MED26: variants seen among roughly 807,000 people sequenced by gnomAD.
MED26 encodes mediator complex subunit 26, also known as mediator of RNA polymerase II transcription subunit 26.
Under a neutral mutation model 43.7 loss-of-function variants are expected in MED26, and 7 were observed. That is an observed-to-expected ratio of 0.16 (90% CI 0.09 to 0.30). The LOEUF (loss-of-function observed/expected upper bound fraction) is 0.30. Ranked by LOEUF, MED26 falls within the 10% of genes least tolerant of loss-of-function variation. MED26 has a pLI of 1.00. For synonymous variants in MED26, 375 were observed against 371.1 expected, an observed-to-expected ratio of 1.01 and a Z score of -0.12; for missense variants, 784 against 840.6, an observed-to-expected ratio of 0.93 and a Z score of 0.83.
At chr19:16,615,498 G>A (rs576750939) in intron 1 of MED26, among the ~76,000 whole-genome samples, 1 of 152,306 alleles carries the variant, frequency 6.6e-6, no homozygotes, top group Non-Finnish European at 1.5e-5. Context: ...ATTCATCCCA[G>A]CACTTTGGGA....
intron 1 of MED26, among the ~76,000 whole-genome samples, chr19:16,604,860 G>A (rs1648547180): frequency 6.6e-6 from 1 of 152,138 alleles, no homozygotes; most frequent in South Asian, 2.1e-4. Context: ...ACTAGGTTGG[G>A]GACCACAAAA....
At chr19:16,612,268 T>C (rs1294348735) in intron 1 of MED26, 1 of 152,148 alleles carries the variant, frequency 6.6e-6, no homozygotes, top group Non-Finnish European at 1.5e-5. Context: ...GATCTTATGA[T>C]TATGATTACT....
chr19:16,625,913 T>C (rs2086272803), intron 1 of MED26, among the ~76,000 whole-genome samples: 1 of 152,282 alleles, frequency 6.6e-6, no homozygotes, highest in African/African-American at 2.4e-5. Context: ...CCCATGTTAG[T>C]AGGACTCTGC....
Position 16,577,058 on chromosome 19 carries a change from C to G in MED26, c.772G>C (p.Glu258Gln). The G allele has an allele frequency of 6.2e-7, 1 of 1,608,542 alleles. No individual in the cohort carries two copies. Among genetic ancestry groups the G allele is most frequent in the Non-Finnish European group, 8.5e-7 (1 of 1,176,224 alleles). ...TTGGGATGGGGAGGCCCCGGAGTCT[C>G]GTCCACCCTGTCCAGCTGCTGCAGC... ...SVLQQLDRVD[E>Q]TPGPPHPKGP... Residue 258 changes from glutamate (E) to glutamine (Q), a missense_variant, in exon 3 of 3, where the codon GAG becomes CAG. Physicochemically the swap from Glu to Gln is conservative, Grantham distance 29. This residue lies in a region of MED26 where 719 missense variants were observed against 730.9 expected (regional missense o/e 0.98). Transcript: ENST00000263390. This position sits in a 1 kb window ranked among gnomAD's most constrained non-coding sequence, Gnocchi z 8.1.
chr19:16,593,888 T>C (rs2086108912), intron 1 of MED26, among the ~76,000 whole-genome samples: 1 of 152,174 alleles, frequency 6.6e-6, no homozygotes, highest in East Asian at 1.9e-4. Flanking sequence ...CAGGCAAACA[T>C]GTTTGCTCAG....
intron 1 of MED26, chr19:16,588,366 C>T (rs891105253): frequency 6.6e-6 from 1 of 152,326 alleles, no homozygotes; most frequent in Non-Finnish European, 1.5e-5. Flanking sequence ...CAAATAAGAA[C>T]GAGCCAGCTT....
chr19:16,613,660 G>A (rs1243688110), intron 1 of MED26, among the ~76,000 whole-genome samples: 1 of 152,210 alleles, frequency 6.6e-6, no homozygotes, highest in Non-Finnish European at 1.5e-5. Flanking sequence ...TGCAGTGCCA[G>A]CGACCTAACC....
In MED26 at chr19:16,575,690, T is replaced by G; in HGVS notation, c.*337A>C. On this transcript the variant is annotated 3_prime_UTR_variant, in exon 3 of 3. Coordinates refer to ENST00000263390, the MANE Select transcript of MED26 (RefSeq NM_004831.5). ...CTGCCTGCAACTGAGGCCCCAGCTT[T>G]CAGGTGCTGGAAAGTGTCCGCACCT... The G allele has an allele frequency of 3.8e-6, 1 of 265,162 alleles. No individual in the cohort carries two copies. Among genetic ancestry groups the G allele is most frequent in the South Asian group, 6.8e-5 (1 of 14,706 alleles). The allele number at this position is 265,162 out of a possible 1,614,324, so 16.4% of individuals were successfully genotyped here.
rs1466830981 is a variant in MED26 at position 16,576,788 on chromosome 19, G to A, written c.1042C>T (p.His348Tyr). 3.7e-6 allele frequency: 6 copies of A among 1,607,924 alleles called. No homozygotes were observed. Among genetic ancestry groups the A allele is most frequent in the Non-Finnish European group, 4.2e-6 (5 of 1,178,790 alleles). ...CAGCCCGGCCCCGCCAGCCGCTGGT[G>A]GCTCTCAGGCTGCTCAAGCCAGCAC... ...PVCWLEQPES[H>Y]QRLAGPGCKA... Residue 348 changes from histidine (H) to tyrosine (Y), a missense_variant, in exon 3 of 3, where the codon CAC becomes TAC. Coordinates refer to ENST00000263390, the MANE Select transcript of MED26 (RefSeq NM_004831.5). The surrounding 1 kb of genome is among the most constrained non-coding windows in gnomAD (Gnocchi z 6.8).
At chr19:16,603,400 G>T (rs940933910) in intron 1 of MED26, among the ~76,000 whole-genome samples, 9 of 152,138 alleles carry the variant, frequency 5.9e-5, no homozygotes, top group Admixed American at 5.2e-4. Context: ...GCAATGGGAA[G>T]CATGGAAACC....
chr19:16,627,530 C>T (rs2086285604), intron 1 of MED26, among the ~76,000 whole-genome samples: 1 of 152,250 alleles, frequency 6.6e-6, no homozygotes, highest in Non-Finnish European at 1.5e-5. Flanking sequence ...TCCCGGGGGT[C>T]TCGGGTCCCG....
intron 1 of MED26, among the ~76,000 whole-genome samples, chr19:16,591,802 T>C (rs1181357261): frequency 6.6e-6 from 1 of 152,202 alleles, no homozygotes; most frequent in African/African-American, 2.4e-5. Context: ...CAGAGTCTTT[T>C]CCCTCCTAAT....
chr19:16,582,476 T>C lies in MED26; in HGVS notation c.73-4067A>G, dbSNP rs577410875. 3.2e-4 allele frequency among the ~76,000 whole-genome samples: 49 copies of C among 152,288 alleles called. No homozygotes were observed. The South Asian group carries it at 4.1e-3, about 13-fold the overall frequency. ...TAGCACCCAATTGGTGCTGGTCCCATAGGAGCAAAATAGGAGCTGGCTTCT... is the reference window on the plus strand; with the variant it reads ...TAGCACCCAATTGGTGCTGGTCCCACAGGAGCAAAATAGGAGCTGGCTTCT... On this transcript the variant is annotated intron_variant, in intron 1 of 2. Transcript: ENST00000263390.
At chr19:16,595,661 A>G (rs2086116987) in intron 1 of MED26, among the ~76,000 whole-genome samples, 1 of 152,152 alleles carries the variant, frequency 6.6e-6, no homozygotes, top group East Asian at 1.9e-4. Flanking sequence ...CCCAACAGCA[A>G]TGCTTTCCTG....
rs2086025244 is a variant in MED26 at position 16,578,424 on chromosome 19, A to G, written c.73-15T>C. On this transcript the variant is annotated splice_polypyrimidine_tract_variant and intron_variant, in intron 1 of 2. Coordinates refer to ENST00000263390, the MANE Select transcript of MED26 (RefSeq NM_004831.5). ...ATGTTCCGGATCTGTGGAAATAAAA[A>G]GCCATTTGTCAGGTCCCTGTCCTTC... is the stretch of plus-strand genomic sequence containing the variant. The G allele has an allele frequency of 1.2e-6, 2 of 1,613,528 alleles. No homozygotes were observed. The highest frequency in any genetic ancestry group is 2.7e-5 in the African/African-American group (2 of 74,910).
chr19:16,615,454 T>C (rs567125389), intron 1 of MED26, among the ~76,000 whole-genome samples: 11 of 152,240 alleles, frequency 7.2e-5, no homozygotes, highest in Admixed American at 6.5e-4. Flanking sequence ...GCTTAAAAAT[T>C]TGGGGCAGCC....
intron 1 of MED26, among the ~76,000 whole-genome samples, chr19:16,607,784 C>A (rs1390065043): frequency 6.6e-6 from 1 of 152,278 alleles, no homozygotes; most frequent in Middle Eastern, 3.4e-3. Flanking sequence ...TATGTGCAGC[C>A]CAAGACAATC....
At chr19:16,611,416 A>G (rs1599345348) in intron 1 of MED26, 1 of 152,056 alleles carries the variant, frequency 6.6e-6, no homozygotes, top group East Asian at 1.9e-4. Flanking sequence ...ATGAGAGGGG[A>G]ACTAATCCTC....
chr19:16,617,073 A>G (rs910765161), intron 1 of MED26, among the ~76,000 whole-genome samples: 1 of 152,188 alleles, frequency 6.6e-6, no homozygotes, highest in Non-Finnish European at 1.5e-5. Flanking sequence ...CCGTGTTCAC[A>G]GTGCTCTCAA....
Sources: gnomAD v4.1 joint callset for allele counts (sites outside exome capture counted in the v4.1 genomes callset) on GRCh38, gnomAD v4.1.1 for gene constraint, gnomAD v4.1.1 regional missense constraint, Gnocchi (gnomAD v3.1) non-coding constraint, MANE v1.5 for transcripts, NCBI Gene and HGNC (gene_info 2026-07-23, HGNC 2026-07-21) for gene names.